Variants in CA10 observed in about 807,000 individuals in gnomAD.
CA10 encodes carbonic anhydrase 10 (inactive).
CA10 carries 14 observed loss-of-function variants against 44.2 expected under a neutral mutation model. That is an observed-to-expected ratio of 0.32 (90% CI 0.21 to 0.50). The LOEUF (loss-of-function observed/expected upper bound fraction) is 0.50. CA10 is among the 20% of genes least tolerant of loss of function. The pLI is 0.99. For missense variants in CA10, 350 were observed against 409.7 expected, an observed-to-expected ratio of 0.85 and a Z score of 1.26; for synonymous variants, 159 against 141.6, an observed-to-expected ratio of 1.12 and a Z score of -0.87.
intron 4 of CA10, among the ~76,000 whole-genome samples, chr17:51,674,600 C>T (rs924282037): frequency 1.3e-5 from 2 of 152,196 alleles, no homozygotes; most frequent in African/African-American, 4.8e-5. Context: ...ATGCTATTAT[C>T]TGCATTATAC....
At chr17:51,840,600 G>T (rs1978311974) in intron 3 of CA10, among the ~76,000 whole-genome samples, 1 of 152,056 alleles carries the variant, frequency 6.6e-6, no homozygotes, top group African/African-American at 2.4e-5. Flanking sequence ...TCTTTCCTGT[G>T]TTTTTGACTC....
intron 2 of CA10, among the ~76,000 whole-genome samples, chr17:52,018,386 C>G (rs966952839): frequency 6.6e-6 from 1 of 152,082 alleles, no homozygotes; most frequent in Non-Finnish European, 1.5e-5. Flanking sequence ...ACAGGCCAGC[C>G]CAAAGTCTTA....
intron 2 of CA10, among the ~76,000 whole-genome samples, chr17:52,058,436 G>T (rs1004977636): frequency 1.3e-5 from 2 of 152,074 alleles, no homozygotes; most frequent in Non-Finnish European, 2.9e-5. Flanking sequence ...TGAGACATTA[G>T]GTGATTTTCA....
intron 2 of CA10, among the ~76,000 whole-genome samples, chr17:51,969,482 A>T (rs1984201737): frequency 6.6e-6 from 1 of 152,012 alleles, no homozygotes; most frequent in Admixed American, 6.6e-5. Context: ...TTCCCTTAAT[A>T]GTTTTTCAAA....
chr17:52,139,451 A>AT (rs57107629), intron 1 of CA10, among the ~76,000 whole-genome samples: 24,481 of 140,540 alleles, frequency 0.17, 4,347 homozygotes, highest in African/African-American at 0.47. Context: ...AGACAAGGTG[A>AT]TTTTTTTTTT....
intron 3 of CA10, among the ~76,000 whole-genome samples, chr17:51,926,702 C>T (rs1982445418): frequency 2.0e-5 from 3 of 152,178 alleles, no homozygotes; most frequent in Admixed American, 2.0e-4. Context: ...GATTCGGACT[C>T]TCCTGCTTCT....
At chr17:51,774,480 C>T (rs530034434) in intron 3 of CA10, among the ~76,000 whole-genome samples, 3 of 151,252 alleles carry the variant, frequency 2.0e-5, no homozygotes, top group East Asian at 3.9e-4. Flanking sequence ...CGCTCTGTTG[C>T]CCAAGGTGGA....
At chr17:51,774,088 C>T (rs1188831982) in intron 3 of CA10, among the ~76,000 whole-genome samples, 2 of 152,182 alleles carry the variant, frequency 1.3e-5, no homozygotes, top group Non-Finnish European at 2.9e-5. Flanking sequence ...TGGTATAGGG[C>T]TGGGGATATT....
chr17:52,018,935 T>C (rs1986052651), intron 2 of CA10, among the ~76,000 whole-genome samples: 2 of 152,082 alleles, frequency 1.3e-5, no homozygotes, highest in African/African-American at 4.8e-5. Flanking sequence ...GTTCTCACTC[T>C]ATGAGTTCAC....
intron 2 of CA10, among the ~76,000 whole-genome samples, chr17:51,933,983 C>A (rs896642399): frequency 6.6e-6 from 1 of 152,014 alleles, no homozygotes; most frequent in African/African-American, 2.4e-5. Context: ...TTCTTTATGA[C>A]GAACAGTTTC....
chr17:51,862,431 T>A (rs1328505897), intron 3 of CA10, among the ~76,000 whole-genome samples: 1 of 152,148 alleles, frequency 6.6e-6, no homozygotes, highest in Non-Finnish European at 1.5e-5. Flanking sequence ...GAGTCTTTTT[T>A]TTTTTTGGCT....
chr17:51,925,612 G>A (rs1982398753), intron 3 of CA10, among the ~76,000 whole-genome samples: 1 of 152,002 alleles, frequency 6.6e-6, no homozygotes, highest in Non-Finnish European at 1.5e-5. Flanking sequence ...CTGGAAGCAG[G>A]GACTCAAACA....
At chr17:52,026,853 C>T (rs1986318261) in intron 2 of CA10, among the ~76,000 whole-genome samples, 1 of 151,954 alleles carries the variant, frequency 6.6e-6, no homozygotes, top group Admixed American at 6.6e-5. Flanking sequence ...GGGGACACAG[C>T]CAAACCATAT....
chr17:51,947,768 G>A (rs1983338903), intron 2 of CA10, among the ~76,000 whole-genome samples: 1 of 152,056 alleles, frequency 6.6e-6, no homozygotes, highest in Admixed American at 6.6e-5. Flanking sequence ...TGATGCAGGA[G>A]GTGGCTGTGA....
At chr17:51,666,463 T>C (rs1343986324) in intron 4 of CA10, among the ~76,000 whole-genome samples, 1 of 152,216 alleles carries the variant, frequency 6.6e-6, no homozygotes, top group Non-Finnish European at 1.5e-5. Flanking sequence ...GGTTTGTTTC[T>C]GACACTCGAT....
At chr17:52,097,107 C>T (rs921479717) in intron 1 of CA10, among the ~76,000 whole-genome samples, 1 of 64,800 alleles carries the variant, frequency 1.5e-5, no homozygotes, top group Non-Finnish European at 3.3e-5. Flanking sequence ...CTAGGATATC[C>T]CATTTTTAAA....
At chr17:52,059,417 C>G (rs1375478265) in intron 2 of CA10, among the ~76,000 whole-genome samples, 2 of 152,072 alleles carry the variant, frequency 1.3e-5, no homozygotes, top group Non-Finnish European at 2.9e-5. Context: ...AGCCACTGAG[C>G]ATTTTCCAGA....
intron 3 of CA10, among the ~76,000 whole-genome samples, chr17:51,776,261 G>T (rs1015315375): frequency 6.6e-6 from 1 of 152,144 alleles, no homozygotes; most frequent in African/African-American, 2.4e-5. Flanking sequence ...AGTAGCCCCA[G>T]CTACTCGGGA....
At chr17:51,874,560 G>A (rs932089620) in intron 3 of CA10, among the ~76,000 whole-genome samples, 4 of 152,110 alleles carry the variant, frequency 2.6e-5, no homozygotes, top group Admixed American at 6.6e-5. Context: ...CACCAGGAAA[G>A]GCATATGAGA....
Sources: allele counts gnomAD v4.1 joint callset (sites outside exome capture counted in the v4.1 genomes callset), GRCh38; gene constraint gnomAD v4.1.1; transcripts MANE v1.5; gene names NCBI Gene and HGNC (gene_info 2026-07-23, HGNC 2026-07-21).